Variants in RAB38 observed in about 807,000 individuals in gnomAD.
The protein encoded by RAB38 is ras-related protein Rab-38.
Under a neutral mutation model 18.4 loss-of-function variants are expected in RAB38, and 15 were observed. That is an observed-to-expected ratio of 0.82 (90% CI 0.55 to 1.26). The LOEUF (loss-of-function observed/expected upper bound fraction) is 1.26, where lower values mean the gene tolerates loss of function less well. Ranked by LOEUF, RAB38 falls within the 50% of genes most tolerant of loss-of-function variation. The pLI is 0.00. For missense variants in RAB38, 294 were observed against 267.4 expected (o/e 1.10, Z -0.69); for synonymous variants, 101 against 104.4 (o/e 0.97, Z 0.20).
At chr11:87,890,951 G>C in the RAB38 span, among the ~76,000 whole-genome samples, 2 of 151,782 alleles carry the variant, frequency 1.3e-5, no homozygotes, top group Non-Finnish European at 2.9e-5. Context: ...CAACAGCAGA[G>C]CATTAAACCA....
the RAB38 span, among the ~76,000 whole-genome samples, chr11:88,041,315 A>C: frequency 6.6e-6 from 1 of 152,172 alleles, no homozygotes; most frequent in Non-Finnish European, 1.5e-5. Context: ...GGAACATGCC[A>C]TTTGCACATA....
chr11:88,052,937 T>TC, the RAB38 span, among the ~76,000 whole-genome samples: 4 of 111,422 alleles, frequency 3.6e-5, no homozygotes, highest in African/African-American at 1.4e-4. Flanking sequence ...TATATATATA[T>TC]ATATATAAAT....
chr11:88,069,101 C>T, the RAB38 span, among the ~76,000 whole-genome samples: 59 of 152,256 alleles, frequency 3.9e-4, no homozygotes, highest in African/African-American at 1.2e-3. Flanking sequence ...CGGGCCAGGG[C>T]GAGCTCCCGG....
the RAB38 span, among the ~76,000 whole-genome samples, chr11:87,834,065 C>A: frequency 6.6e-6 from 1 of 152,160 alleles, no homozygotes; most frequent in African/African-American, 2.4e-5. Flanking sequence ...AGATTCAAGG[C>A]TTGAGGGAGA....
chr11:87,920,158 C>A, the RAB38 span, among the ~76,000 whole-genome samples: 2 of 151,654 alleles, frequency 1.3e-5, no homozygotes, highest in Non-Finnish European at 2.9e-5. Context: ...CTGCTCTGAT[C>A]TTTATTATTT....
the RAB38 span, among the ~76,000 whole-genome samples, chr11:87,907,173 C>T: frequency 6.6e-6 from 1 of 151,738 alleles, no homozygotes; most frequent in African/African-American, 2.4e-5. Flanking sequence ...ATTGGTGTTC[C>T]CACAAACAAC....
chr11:88,142,692 C>T (rs1175262782), intron 2 of RAB38, among the ~76,000 whole-genome samples: 1 of 152,206 alleles, frequency 6.6e-6, no homozygotes, highest in Non-Finnish European at 1.5e-5. Flanking sequence ...ACATCCAGAG[C>T]TGGACTTTGT....
chr11:87,965,161 A>G, the RAB38 span, among the ~76,000 whole-genome samples: 1 of 152,150 alleles, frequency 6.6e-6, no homozygotes, highest in Non-Finnish European at 1.5e-5. Flanking sequence ...AGGAGGCACA[A>G]TCACCCTCAG....
chr11:88,028,682 A>G, the RAB38 span, among the ~76,000 whole-genome samples: 1 of 152,194 alleles, frequency 6.6e-6, no homozygotes, highest in Non-Finnish European at 1.5e-5. Context: ...TTAGAGAAAA[A>G]AGAATAAAAA....
At chr11:88,030,540 A>C in the RAB38 span, among the ~76,000 whole-genome samples, 2 of 152,186 alleles carry the variant, frequency 1.3e-5, no homozygotes, top group Non-Finnish European at 2.9e-5. Flanking sequence ...AAAATGATAA[A>C]GAGGATATAA....
At chr11:88,144,415 G>A (rs1293768534) in intron 2 of RAB38, among the ~76,000 whole-genome samples, 1 of 152,190 alleles carries the variant, frequency 6.6e-6, no homozygotes, top group Non-Finnish European at 1.5e-5. Context: ...TCTTCCTGGA[G>A]AGGTGAGCTT....
chr11:87,890,653 T>G, the RAB38 span, among the ~76,000 whole-genome samples: 5 of 151,894 alleles, frequency 3.3e-5, no homozygotes, highest in African/African-American at 1.2e-4. Flanking sequence ...GGCCGGTCTC[T>G]AGCCATAATC....
chr11:87,832,816 C>A, the RAB38 span, among the ~76,000 whole-genome samples: 1 of 152,088 alleles, frequency 6.6e-6, no homozygotes, highest in Admixed American at 6.6e-5. Context: ...AAGTCCCTAA[C>A]CTTAATTCCA....
chr11:88,041,783 T>G, the RAB38 span, among the ~76,000 whole-genome samples: 83 of 152,272 alleles, frequency 5.5e-4, 1 homozygote, highest in African/African-American at 1.9e-3. Context: ...TAAAAGTTGT[T>G]TCTCCCACTG....
chr11:88,132,313 G>A (rs1283525002), intron 2 of RAB38, among the ~76,000 whole-genome samples: 1 of 152,182 alleles, frequency 6.6e-6, no homozygotes, highest in African/African-American at 2.4e-5. Flanking sequence ...AGCCATTTAT[G>A]ACGTCCTTGA....
chr11:87,880,783 AATTCATTT>A, the RAB38 span, among the ~76,000 whole-genome samples: 1 of 151,864 alleles, frequency 6.6e-6, no homozygotes, highest in Non-Finnish European at 1.5e-5. Context: ...GTCAATTATT[AATTCATTT>A]ATTCATTTAT....
the RAB38 span, among the ~76,000 whole-genome samples, chr11:88,082,393 G>T: frequency 6.6e-6 from 1 of 151,880 alleles, no homozygotes; most frequent in East Asian, 1.9e-4. Flanking sequence ...TTAGGAGTCT[G>T]AGCAGAAAAT....
the RAB38 span, among the ~76,000 whole-genome samples, chr11:87,939,300 T>G: frequency 2.6e-5 from 4 of 151,142 alleles, no homozygotes; most frequent in Non-Finnish European, 5.9e-5. Flanking sequence ...ACACACACAT[T>G]CACATACAAA....
chr11:87,931,115 C>T, the RAB38 span, among the ~76,000 whole-genome samples: 1 of 152,006 alleles, frequency 6.6e-6, no homozygotes, highest in African/African-American at 2.4e-5. Flanking sequence ...TCATTGTTAG[C>T]TTGATGGGGA....
Sources: allele counts gnomAD v4.1 joint callset (sites outside exome capture counted in the v4.1 genomes callset), GRCh38; gene constraint gnomAD v4.1.1; transcripts MANE v1.5; gene names NCBI Gene and HGNC (gene_info 2026-07-23, HGNC 2026-07-21).